FAT3: variants seen among roughly 807,000 people sequenced by gnomAD.
FAT3 encodes protocadherin Fat 3.
FAT3 carries 95 observed loss-of-function variants against 310.2 expected under a neutral mutation model. The observed-to-expected ratio is 0.31, with a 90% CI of 0.26 to 0.36. The LOEUF is 0.36. Ranked by LOEUF, FAT3 falls within the 10% of genes least tolerant of loss-of-function variation. The probability of loss-of-function intolerance (pLI) is 1.00; values close to 1 mark genes in which losing one functional copy is unlikely to be tolerated. For missense variants in FAT3, 5,408 were observed against 5,715.6 expected (o/e 0.95, Z 1.74); for synonymous variants, 2,314 against 2,192.9 (o/e 1.06, Z -1.54).
At chr11:92,833,121 C>T (rs1948310591) in intron 14 of FAT3, among the ~76,000 whole-genome samples, 1 of 152,194 alleles carries the variant, frequency 6.6e-6, no homozygotes, top group African/African-American at 2.4e-5. Context: ...TTCTAGAAAA[C>T]AAGCTTGGAT....
chr11:92,527,836 CATAGA>C (rs1953923709), intron 3 of FAT3, among the ~76,000 whole-genome samples: 3 of 151,924 alleles, frequency 2.0e-5, no homozygotes, highest in Non-Finnish European at 4.4e-5. Flanking sequence ...TAGATAGATA[CATAGA>C]TAGATACATA....
At chr11:92,373,864 T>C (rs775028831) in intron 2 of FAT3, among the ~76,000 whole-genome samples, 4 of 150,634 alleles carry the variant, frequency 2.7e-5, no homozygotes, top group Non-Finnish European at 5.9e-5. Flanking sequence ...ATTAGGGGGA[T>C]TGGCTCATGT....
At chr11:92,368,851 C>T (rs9665999) in intron 2 of FAT3, among the ~76,000 whole-genome samples, 46,979 of 145,050 alleles carry the variant, frequency 0.32, 11,189 homozygotes, top group African/African-American at 0.68. Context: ...TATATATACA[C>T]ACATACACAT....
chr11:92,326,475 G>A (rs1947767940), intron 1 of FAT3, among the ~76,000 whole-genome samples: 1 of 152,166 alleles, frequency 6.6e-6, no homozygotes, highest in Non-Finnish European at 1.5e-5. Context: ...TTACTTATTG[G>A]ATGCGGTAGA....
chr11:92,355,139 T>C lies in FAT3; in HGVS notation c.3027T>C (p.Thr1009=), dbSNP rs759676852. The C allele has an allele frequency of 1.9e-6, 3 of 1,613,822 alleles. No individual in the cohort carries two copies. Among genetic ancestry groups the C allele is most frequent in the South Asian group, 1.1e-5 (1 of 91,074 alleles). ...DYEKQQFYNL[T]VRAKDKGRPV... ...AGAAACAGCAGTTCTATAACCTTAC[T>C]GTGCGGGCCAAAGACAAAGGGCGGC... is the stretch of plus-strand genomic sequence containing the variant. The change falls in exon 2 of 28, where the codon ACT becomes ACC. Residue 1009 remains threonine (T), a synonymous_variant. Transcript: ENST00000525166.
intron 1 of FAT3, among the ~76,000 whole-genome samples, chr11:92,312,481 A>AGCG (rs2134460023): frequency 6.6e-6 from 1 of 152,292 alleles, no homozygotes; most frequent in East Asian, 1.9e-4. Flanking sequence ...CACCCTTAAA[A>AGCG]GGCTAATAGG....
intron 7 of FAT3, among the ~76,000 whole-genome samples, chr11:92,785,137 A>G (rs1946855353): frequency 6.6e-6 from 1 of 152,148 alleles, no homozygotes; most frequent in South Asian, 2.1e-4. Context: ...TAGAGGTGGT[A>G]GCACCACCAT....
intron 2 of FAT3, among the ~76,000 whole-genome samples, chr11:92,424,058 G>GGTTTT (rs553735323): frequency 1.3e-5 from 2 of 151,978 alleles, no homozygotes; most frequent in Admixed American, 6.6e-5. Flanking sequence ...CACCTACAAA[G>GGTTTT]GTTTTGTTTT....
At chr11:92,254,987 T>G (rs1161348736) in intron 1 of FAT3, among the ~76,000 whole-genome samples, 3 of 152,192 alleles carry the variant, frequency 2.0e-5, no homozygotes, top group Admixed American at 2.0e-4. Context: ...ATTACAGGTG[T>G]GAGCCACCTC....
chr11:92,631,136 T>C (rs1162599277), intron 3 of FAT3, among the ~76,000 whole-genome samples: 2 of 152,332 alleles, frequency 1.3e-5, no homozygotes, highest in East Asian at 1.9e-4. Context: ...AGAGGGTGGC[T>C]ATTTTGTTTA....
intron 4 of FAT3, among the ~76,000 whole-genome samples, chr11:92,758,826 T>C (rs934120246): frequency 2.0e-5 from 3 of 152,050 alleles, no homozygotes; most frequent in Non-Finnish European, 2.9e-5. Flanking sequence ...CCAAGTTCAA[T>C]TGGATATAGA....
intron 3 of FAT3, among the ~76,000 whole-genome samples, chr11:92,548,350 G>A (rs1180483152): frequency 6.6e-6 from 1 of 152,162 alleles, no homozygotes. Flanking sequence ...CCTCCCTAGG[G>A]AAGGTCTATT....
intron 3 of FAT3, among the ~76,000 whole-genome samples, chr11:92,562,843 T>C (rs1955282943): frequency 6.6e-6 from 1 of 152,194 alleles, no homozygotes. Flanking sequence ...CCTCAACAGA[T>C]TGGATGCTGT....
At chr11:92,376,898 A>G (rs1949363501) in intron 2 of FAT3, among the ~76,000 whole-genome samples, 3 of 152,222 alleles carry the variant, frequency 2.0e-5, no homozygotes, top group Admixed American at 2.0e-4. Flanking sequence ...AAGCAAATAT[A>G]TTCTAAGAGC....
At chr11:92,872,278 G>GT (rs1184214230) in intron 22 of FAT3, among the ~76,000 whole-genome samples, 3 of 152,210 alleles carry the variant, frequency 2.0e-5, no homozygotes, top group African/African-American at 7.2e-5. Context: ...GCTGAGCTCT[G>GT]TGTTGAATTC....
At chr11:92,625,698 T>C (rs1294960743) in intron 3 of FAT3, among the ~76,000 whole-genome samples, 1 of 152,076 alleles carries the variant, frequency 6.6e-6, no homozygotes, top group Non-Finnish European at 1.5e-5. Context: ...GTGGGCAGAT[T>C]GTCAGCCCCC....
At chr11:92,340,693 C>A (rs559075118) in intron 1 of FAT3, among the ~76,000 whole-genome samples, 4 of 152,176 alleles carry the variant, frequency 2.6e-5, no homozygotes, top group African/African-American at 9.7e-5. Flanking sequence ...CAAAGATCCA[C>A]GTTGACCTGT....
chr11:92,278,452 T>C lies in FAT3; in HGVS notation c.-18+53278T>C, dbSNP rs780899501. On this transcript the variant is annotated intron_variant, in intron 1 of 27. Coordinates refer to ENST00000525166, the MANE Select transcript of FAT3 (RefSeq NM_001367949.2). Reference sequence around the variant, plus strand: ...CTATACCTTTGAGTTTTGCTGGGCCTCTTTGGGTTTCCTAAGTGCAATTTT... The same window carrying C: ...CTATACCTTTGAGTTTTGCTGGGCCCCTTTGGGTTTCCTAAGTGCAATTTT... Among the ~76,000 whole-genome samples the C allele has an allele frequency of 1.4e-4, 21 of 152,260 alleles. 1 individual carries two copies. Among genetic ancestry groups the C allele is most frequent in the Admixed American group, 5.2e-4 (8 of 15,292 alleles).
chr11:92,613,974 A>G (rs574458857), intron 3 of FAT3, among the ~76,000 whole-genome samples: 1 of 152,164 alleles, frequency 6.6e-6, no homozygotes, highest in Non-Finnish European at 1.5e-5. Flanking sequence ...TACTGTGGAC[A>G]TTTCATATAA....
Sources: allele counts gnomAD v4.1 joint callset (sites outside exome capture counted in the v4.1 genomes callset), GRCh38; gene constraint gnomAD v4.1.1; transcripts MANE v1.5; gene names NCBI Gene and HGNC (gene_info 2026-07-23, HGNC 2026-07-21).